Variants in CDK19 observed in about 807,000 individuals in gnomAD.
CDK19 encodes cyclin dependent kinase 19, also known as cyclin-dependent kinase 19.
In CDK19, 20 loss-of-function variants were observed where a neutral mutation model predicts 68.3. The observed-to-expected ratio is 0.29, with a 90% CI of 0.21 to 0.43. CDK19 has a LOEUF of 0.43. CDK19 is among the 20% of genes least tolerant of loss of function. The pLI, the probability that CDK19 is intolerant of heterozygous loss-of-function variation, is 1.00. For synonymous variants in CDK19, 221 were observed against 222.8 expected (o/e 0.99, Z 0.07); for missense variants, 339 against 623.5 (o/e 0.54, Z 4.86).
intron 12 of CDK19, among the ~76,000 whole-genome samples, chr6:110,617,662 T>TATACACACACACACACACAC (rs755618032): frequency 9.3e-6 from 1 of 107,158 alleles, no homozygotes; most frequent in Non-Finnish European, 1.8e-5. Context: ...TATATATATA[T>TATACACACACACACACACAC]ACACACACAC....
chr6:110,770,097 G>A (rs1212361582), intron 1 of CDK19, among the ~76,000 whole-genome samples: 1 of 152,194 alleles, frequency 6.6e-6, no homozygotes, highest in Admixed American at 6.5e-5. Context: ...CTGAATAGGA[G>A]GAAGTGAAAG....
At chr6:110,661,262 T>G (rs1164262891) in intron 4 of CDK19, among the ~76,000 whole-genome samples, 1 of 152,224 alleles carries the variant, frequency 6.6e-6, no homozygotes, top group Non-Finnish European at 1.5e-5. Context: ...GCTCCTTAAC[T>G]TACAAAGAGG....
At chr6:110,790,325 C>A (rs1445731288) in intron 1 of CDK19, among the ~76,000 whole-genome samples, 1 of 151,908 alleles carries the variant, frequency 6.6e-6, no homozygotes, top group Non-Finnish European at 1.5e-5. Context: ...CACTTGAGGT[C>A]TGGATTCAAG....
chr6:110,763,894 A>C (rs889382736), intron 1 of CDK19, among the ~76,000 whole-genome samples: 1 of 152,196 alleles, frequency 6.6e-6, no homozygotes, highest in Non-Finnish European at 1.5e-5. Flanking sequence ...ACTAATAAAC[A>C]ATTATAGCAA....
At chr6:110,708,948 C>T in intron 2 of CDK19, among the ~76,000 whole-genome samples, 1 of 152,144 alleles carries the variant, frequency 6.6e-6, no homozygotes, top group Non-Finnish European at 1.5e-5. Context: ...AATCCAGCAG[C>T]ACATCAAAAA....
At chr6:110,662,099 A>G (rs2114367678) in intron 4 of CDK19, among the ~76,000 whole-genome samples, 1 of 152,240 alleles carries the variant, frequency 6.6e-6, no homozygotes, top group East Asian at 1.9e-4. Context: ...CCTCCCGAGT[A>G]GCTGAGATTA....
chr6:110,782,188 A>G (rs1033425632), intron 1 of CDK19, among the ~76,000 whole-genome samples: 1 of 152,218 alleles, frequency 6.6e-6, no homozygotes, highest in Non-Finnish European at 1.5e-5. Flanking sequence ...AAATAAGAAC[A>G]AAAGGACAGA....
At chr6:110,681,032 AAG>A (rs1468585758) in intron 2 of CDK19, among the ~76,000 whole-genome samples, 1 of 150,766 alleles carries the variant, frequency 6.6e-6, no homozygotes, top group African/African-American at 2.4e-5. Context: ...ATAAAATATA[AAG>A]AGATATAAAT....
chr6:110,685,825 A>G (rs1458415063), intron 2 of CDK19, among the ~76,000 whole-genome samples: 1 of 152,244 alleles, frequency 6.6e-6, no homozygotes, highest in Non-Finnish European at 1.5e-5. Context: ...ACTATACTGT[A>G]AAGATTTTAA....
Position 110,621,518 on chromosome 6 carries a change from G to T in CDK19, c.1111-148C>A. 1 of 769,744 alleles carries T rather than the reference G, an allele frequency of 1.3e-6. No individual in the cohort carries two copies. Among genetic ancestry groups the T allele is most frequent in the Non-Finnish European group, 2.1e-6 (1 of 484,842 alleles). 47.7% of individuals were successfully genotyped at this position (769,744 alleles called of 1,614,324 possible). A position where few individuals can be genotyped will look rare whatever the true frequency, so the allele number is the denominator to read the frequency against. On this transcript the variant is annotated intron_variant, in intron 11 of 12. Transcript: ENST00000368911. This position sits in a 1 kb window ranked among gnomAD's most constrained non-coding sequence, Gnocchi z 5.4. ...GTGATGGGGAGGACTGGAGAATGGA[G>T]CAGCCAGGGAACACAGTGTTCCCAA...
chr6:110,787,425 TG>T (rs1292561515), intron 1 of CDK19, among the ~76,000 whole-genome samples: 2 of 151,922 alleles, frequency 1.3e-5, no homozygotes, highest in Non-Finnish European at 2.9e-5. Flanking sequence ...TTCTCCTCAA[TG>T]TTTTTTTTGT....
chr6:110,666,260 C>CAA (rs777957434), intron 4 of CDK19, among the ~76,000 whole-genome samples: 7 of 98,878 alleles, frequency 7.1e-5, no homozygotes, highest in Non-Finnish European at 1.3e-4. Context: ...CTAAAAAATA[C>CAA]AAAAAAAAAA....
intron 4 of CDK19, among the ~76,000 whole-genome samples, chr6:110,666,766 G>T (rs532358809): frequency 9.2e-5 from 14 of 152,208 alleles, no homozygotes; most frequent in African/African-American, 3.4e-4. Context: ...AGAAAATGAG[G>T]ATTACAGCTA....
chr6:110,725,493 CA>C (rs1193952975), intron 2 of CDK19, among the ~76,000 whole-genome samples: 1 of 151,770 alleles, frequency 6.6e-6, no homozygotes, highest in Non-Finnish European at 1.5e-5. Flanking sequence ...AATTTAAATG[CA>C]AAAAGATTTA....
chr6:110,814,707 C>A, intron 1 of CDK19: 1 of 590,400 alleles, frequency 1.7e-6, no homozygotes, highest in Non-Finnish European at 3.2e-6. Flanking sequence ...CAAACTCCTC[C>A]TCCACCGCGG....
rs577875516 is a variant in CDK19, at chr6:110,710,700, A to G, written c.204+35426T>C. ...AGGGTCTTTCTGTGGTCCTGTTTAT[A>G]ACGGCACCAATCTCATTCATGAGTG... On this transcript the variant is annotated intron_variant, in intron 2 of 12. Transcript: ENST00000368911. Among the ~76,000 whole-genome samples, 5 of 152,312 alleles carry G rather than the reference A, an allele frequency of 3.3e-5. No individual in the cohort carries two copies. In the South Asian group the frequency reaches 1.0e-3, roughly 32 times the overall value.
At chr6:110,725,339 C>T (rs1776242626) in intron 2 of CDK19, among the ~76,000 whole-genome samples, 1 of 151,938 alleles carries the variant, frequency 6.6e-6, no homozygotes, top group Admixed American at 6.6e-5. Flanking sequence ...AAGAGGAAAA[C>T]ATGGGATTAA....
intron 1 of CDK19, among the ~76,000 whole-genome samples, chr6:110,813,001 A>G (rs1783227886): frequency 6.6e-6 from 1 of 151,542 alleles, no homozygotes; most frequent in Admixed American, 6.6e-5. Context: ...GGTTTTTCTT[A>G]TACGTAATAC....
At chr6:110,797,928 T>C (rs12529725) in intron 1 of CDK19, among the ~76,000 whole-genome samples, 16,930 of 139,622 alleles carry the variant, frequency 0.12, 1,396 homozygotes, top group Admixed American at 0.3. Context: ...GAGGCTGCAG[T>C]GAGCCAAGAT....
Sources: allele counts gnomAD v4.1 joint callset (sites outside exome capture counted in the v4.1 genomes callset), GRCh38; gene constraint gnomAD v4.1.1; non-coding constraint Gnocchi (gnomAD v3.1); transcripts MANE v1.5; gene names NCBI Gene and HGNC (gene_info 2026-07-23, HGNC 2026-07-21).